Variants in PHRF1 observed in about 807,000 individuals in gnomAD.
PHRF1 encodes PHD and RING finger domain-containing protein 1.
A neutral mutation model predicts 128.9 loss-of-function variants in PHRF1; 53 were observed. The ratio of observed to expected loss-of-function variants is 0.41; its 90% CI spans 0.33 to 0.52. The LOEUF (loss-of-function observed/expected upper bound fraction) is 0.52. PHRF1 is among the 20% of genes least tolerant of loss of function. PHRF1 has a pLI of 0.21. For synonymous variants in PHRF1, 1,178 were observed against 980.6 expected (o/e 1.20, Z -3.76); for missense variants, 2,503 against 2,284.5 (o/e 1.10, Z -1.95).
At chr11:580,084 G>A (rs868040572) in intron 1 of PHRF1, among the ~76,000 whole-genome samples, 10 of 152,240 alleles carry the variant, frequency 6.6e-5, no homozygotes, top group Middle Eastern at 6.8e-3. Flanking sequence ...TGTGCGATGC[G>A]CTTTCCTCTG....
chr11:607,960 C>G lies in PHRF1; in HGVS notation c.2504C>G (p.Pro835Arg), dbSNP rs1387076403. The change falls in exon 14 of 18, where the codon CCC (proline) becomes CGC (arginine). Residue 835 changes from proline (P) to arginine (R), a missense_variant. Coordinates refer to ENST00000264555, the MANE Select transcript of PHRF1 (RefSeq NM_001286581.2). ...AGCGAGGTCTACGACCCATCCGACCCCACCGGCTCCGACTCCAGCGCCCCT... is the reference window on the plus strand; with the variant it reads ...AGCGAGGTCTACGACCCATCCGACCGCACCGGCTCCGACTCCAGCGCCCCT... ...LRSEVYDPSD[P>R]TGSDSSAPGS... The G allele has an allele frequency of 1.2e-6, 2 of 1,611,984 alleles. No homozygotes were observed. Among genetic ancestry groups the G allele is most frequent in the African/African-American group, 1.3e-5 (1 of 75,006 alleles).
At chr11:610,091 G>A in intron 14 of PHRF1, 105 bp from the exon 15 acceptor site, 2 of 1,392,022 alleles carry the variant, frequency 1.4e-6, no homozygotes, top group Non-Finnish European at 1.9e-6. Flanking sequence ...GGGCTGCTCT[G>A]TGGTCCTTGC....
At chr11:598,735 C>G (rs1258816467) in intron 9 of PHRF1, among the ~76,000 whole-genome samples, 1 of 152,252 alleles carries the variant, frequency 6.6e-6, no homozygotes, top group Non-Finnish European at 1.5e-5. Context: ...GCCGGCCTTC[C>G]CGCATTGTTC....
intron 9 of PHRF1, among the ~76,000 whole-genome samples, chr11:600,254 CTT>C (rs753738754): frequency 2.1e-4 from 30 of 141,550 alleles, no homozygotes; most frequent in Non-Finnish European, 3.2e-4. Context: ...ATTTTTATTC[CTT>C]TTTTTTTTTT....
At chr11:584,683 G>A (rs1854415940) in intron 3 of PHRF1, among the ~76,000 whole-genome samples, 2 of 151,718 alleles carry the variant, frequency 1.3e-5, no homozygotes, top group African/African-American at 4.9e-5. Flanking sequence ...CACTGGAGAG[G>A]TGTTGGTATA....
At chr11:579,412 T>C (rs560783460) in intron 1 of PHRF1, among the ~76,000 whole-genome samples, 14 of 152,340 alleles carry the variant, frequency 9.2e-5, no homozygotes, top group African/African-American at 3.4e-4. Flanking sequence ...GGGTAGGTGT[T>C]GGAGCAGGCG....
At chr11:587,534 G>A in intron 4 of PHRF1, 70 bp downstream of exon 4, 5 of 1,495,382 alleles carry the variant, frequency 3.3e-6, no homozygotes, top group Non-Finnish European at 4.6e-6. Flanking sequence ...GACCCAGCCT[G>A]TGTTCAGCCT....
chr11:582,528 C>CT (rs1384899539), intron 3 of PHRF1, among the ~76,000 whole-genome samples: 1 of 150,204 alleles, frequency 6.7e-6, no homozygotes, highest in Non-Finnish European at 1.5e-5. Context: ...TGTAGTCCTC[C>CT]TTTTTTTTCT....
In PHRF1 at chr11:607,617, G is replaced by T; in HGVS notation, c.2161G>T (p.Gly721Trp). The T allele has an allele frequency of 6.2e-7, 1 of 1,612,072 alleles. No individual in the cohort carries two copies. The highest frequency in any genetic ancestry group is 8.5e-7 in the Non-Finnish European group (1 of 1,179,732). ...ISRLTGREGT[G>W]QPGRGTRAES... ...CCGACTGACTGGCAGGGAGGGCACCGGGCAGCCAGGGCGAGGCACACGGGC... is the reference window on the plus strand; with the variant it reads ...CCGACTGACTGGCAGGGAGGGCACCTGGCAGCCAGGGCGAGGCACACGGGC... The change falls in exon 14 of 18, where the codon GGG (glycine) becomes TGG (tryptophan). Residue 721 changes from glycine (G) to tryptophan (W), a missense_variant. Physicochemically the swap from Gly to Trp is radical, Grantham distance 184. Coordinates refer to ENST00000264555, the MANE Select transcript of PHRF1 (RefSeq NM_001286581.2).
At chr11:598,325 C>T (rs761491474) in intron 8 of PHRF1, 48 bp from the exon 9 acceptor site, 45 of 1,587,000 alleles carry the variant, frequency 2.8e-5, no homozygotes, top group Non-Finnish European at 2.6e-5. Flanking sequence ...TGTGCTGGAC[C>T]GGCTGAGGCC....
chr11:580,983 C>T (rs911627664), intron 1 of PHRF1, among the ~76,000 whole-genome samples: 1 of 149,054 alleles, frequency 6.7e-6, no homozygotes, highest in African/African-American at 2.5e-5. Context: ...GCAGCTATGC[C>T]TGGCCTAATT....
chr11:611,762 G>A lies in PHRF1; in HGVS notation c.4935G>A (p.Gln1645=). The A allele has an allele frequency of 1.2e-6, 2 of 1,606,466 alleles. No homozygotes were observed. Among genetic ancestry groups the A allele is most frequent in the Non-Finnish European group, 1.7e-6 (2 of 1,177,064 alleles). Residue 1645 remains glutamine (Q), a synonymous_variant, in exon 18 of 18, where the codon CAG becomes CAA. Transcript: ENST00000264555. The part of the protein sequence containing the change: ...KPEAGEEPPT[Q]GAEG ...AGGCCGGGGAGGAGCCGCCCACGCAGGGGGCCGAGGGCTGAGGCCAGGCAA... is the reference window on the plus strand; with the variant it reads ...AGGCCGGGGAGGAGCCGCCCACGCAAGGGGCCGAGGGCTGAGGCCAGGCAA...
chr11:582,119 C>T (rs1589857423), intron 3 of PHRF1, 38 bp downstream of exon 3: 3 of 1,557,362 alleles, frequency 1.9e-6, no homozygotes, highest in South Asian at 1.2e-5. Context: ...CCTGTGTTTC[C>T]TCTTGTCGTG....
rs1269038011 is a variant in PHRF1, at chr11:610,766, G to A, written c.4677+5G>A. On this transcript the variant is annotated splice_donor_5th_base_variant and intron_variant, in intron 16 of 17. Transcript: ENST00000264555. ...GAGAAAACCAAGAAGGAGGAGGTGA[G>A]TCCTGCCTCCTCCCACTTTCCCCAT... is the stretch of plus-strand genomic sequence containing the variant. The A allele has an allele frequency of 1.3e-6, 2 of 1,598,396 alleles. No individual in the cohort carries two copies. Among genetic ancestry groups the A allele is most frequent in the Admixed American group, 1.7e-5 (1 of 59,900 alleles).
At chr11:583,158 G>A (rs140942386) in intron 3 of PHRF1, among the ~76,000 whole-genome samples, 10,413 of 151,504 alleles carry the variant, frequency 0.069, 457 homozygotes, top group African/African-American at 0.13. Context: ...GGCTAACATG[G>A]TGAAACCCCG....
chr11:580,078 C>T (rs1163923645), intron 1 of PHRF1, among the ~76,000 whole-genome samples: 2 of 152,190 alleles, frequency 1.3e-5, no homozygotes, highest in Non-Finnish European at 2.9e-5. Context: ...GCCTCTTGTG[C>T]GATGCGCTTT....
rs187343915 is a variant in PHRF1 at position 605,381 on chromosome 11, C to T, written c.1334+81C>T. 7,608 of 1,545,128 alleles carry T rather than the reference C, an allele frequency of 4.9e-3. 31 individuals carry two copies. Among genetic ancestry groups the T allele is most frequent in the Non-Finnish European group, 6.3e-3 (7,148 of 1,137,418 alleles). ...TGGGCACGGGGCCCCGAGGTGCATG[C>T]GGAGGCGTTAGGTTTTGTGTTTGAG... On this transcript the variant is annotated intron_variant, in intron 11 of 17. Coordinates refer to ENST00000264555, the MANE Select transcript of PHRF1 (RefSeq NM_001286581.2).
At chr11:583,156 T>C (rs148101702) in intron 3 of PHRF1, among the ~76,000 whole-genome samples, 10,498 of 151,168 alleles carry the variant, frequency 0.069, 462 homozygotes, top group African/African-American at 0.13. Context: ...GTGGCTAACA[T>C]GGTGAAACCC....
chr11:589,810 C>CGG (rs1854829874), intron 4 of PHRF1, among the ~76,000 whole-genome samples: 10 of 141,868 alleles, frequency 7.0e-5, no homozygotes, highest in African/African-American at 2.6e-4. Context: ...CAAACGGGCA[C>CGG]AGAGCGTGCG....
Sources: allele counts gnomAD v4.1 joint callset (sites outside exome capture counted in the v4.1 genomes callset), GRCh38; gene constraint gnomAD v4.1.1; transcripts MANE v1.5; gene names NCBI Gene and HGNC (gene_info 2026-07-23, HGNC 2026-07-21).